The following ASAH1 variants were observed in gnomAD, a reference collection of about 807,000 sequenced individuals.
The protein encoded by ASAH1 is N-acylsphingosine amidohydrolase 1, also known as acid ceramidase.
Under a neutral mutation model 59.5 loss-of-function variants are expected in ASAH1, and 70 were observed. The observed-to-expected ratio is 1.18, with a 90% CI of 0.97 to 1.43. The LOEUF (loss-of-function observed/expected upper bound fraction) is 1.43, where lower values mean the gene tolerates loss of function less well. Among genes scored for constraint, ASAH1 ranks in the 40% most tolerant of loss-of-function variants. ASAH1 has a pLI of 0.00. For missense variants in ASAH1, 660 were observed against 482.5 expected (o/e 1.37, Z -3.45); for synonymous variants, 213 against 166.5 (o/e 1.28, Z -2.15).
Position 18,071,496 on chromosome 8 carries a change from T to C in ASAH1, c.126-106A>G, listed in dbSNP as rs993118186. The stretch of plus-strand genomic sequence containing the variant: ...GAGAGGCAAAGTCTTAACAGCAGTG[T>C]AGAATTTGGTTACCCAAACCAAAAT... On this transcript the variant is annotated intron_variant, in intron 2 of 13. Coordinates refer to ENST00000637790, the MANE Select transcript of ASAH1 (RefSeq NM_177924.5). 23 of 792,212 alleles carry C rather than the reference T, an allele frequency of 2.9e-5. No homozygotes were observed. The African/African-American group carries it at 3.1e-4, about 11-fold the overall frequency. 49.1% of individuals were successfully genotyped at this position (792,212 alleles called of 1,614,324 possible).
At chr8:18,072,642 T>G (rs1800222158) in intron 2 of ASAH1, among the ~76,000 whole-genome samples, 1 of 152,210 alleles carries the variant, frequency 6.6e-6, no homozygotes, top group Non-Finnish European at 1.5e-5. Context: ...ATACTTATAT[T>G]CTAGAAAAAA....
At chr8:18,073,736 G>C (rs918067667) in intron 2 of ASAH1, among the ~76,000 whole-genome samples, 1 of 152,184 alleles carries the variant, frequency 6.6e-6, no homozygotes, top group Non-Finnish European at 1.5e-5. Flanking sequence ...CAAAGGAACA[G>C]AACGTCTGTT....
At chr8:18,084,487 C>G (rs1230601306), upstream of ASAH1, 2 of 1,318,850 alleles carry the variant, frequency 1.5e-6, no homozygotes, top group Non-Finnish European at 1.0e-6. Flanking sequence ...ACCCACGAAA[C>G]GGATCCAAAG....
intron 9 of ASAH1, 97 bp from the exon 10 acceptor site, chr8:18,061,555 C>G (rs1365991587): frequency 1.4e-6 from 2 of 1,441,672 alleles, no homozygotes; most frequent in African/African-American, 2.8e-5. Context: ...CAGTCAGGAA[C>G]CAGAAGAGGT....
chr8:18,062,868 CTTTTTTTTT>C (rs10562212), intron 7 of ASAH1: 3 of 181,696 alleles, frequency 1.7e-5, no homozygotes, highest in East Asian at 2.7e-4. Context: ...GTTCTGTGTT[CTTTTTTTTT>C]TTTTTTTTTT....
At chr8:18,073,052 G>A (rs1367555666) in intron 2 of ASAH1, among the ~76,000 whole-genome samples, 1 of 152,200 alleles carries the variant, frequency 6.6e-6, no homozygotes, top group African/African-American at 2.4e-5. Context: ...AAGTGGGGAT[G>A]ATGAGACCCC....
At chr8:18,075,451 T>C in intron 2 of ASAH1, 90 bp downstream of exon 2, 1 of 1,294,686 alleles carries the variant, frequency 7.7e-7, no homozygotes, top group Non-Finnish European at 1.1e-6. Context: ...TAAGATTTTA[T>C]TCACTATCGT....
intron 1 of ASAH1, among the ~76,000 whole-genome samples, chr8:18,080,073 C>T (rs1019046103): frequency 2.6e-5 from 4 of 152,180 alleles, no homozygotes; most frequent in African/African-American, 4.8e-5. Context: ...ATGGATTACA[C>T]CTGTGTGTTC....
At chr8:18,079,793 T>C (rs968298704) in intron 1 of ASAH1, among the ~76,000 whole-genome samples, 9 of 152,264 alleles carry the variant, frequency 5.9e-5, no homozygotes, top group African/African-American at 2.2e-4. Context: ...TTTCCTATAA[T>C]GTCCTCTTAT....
intron 7 of ASAH1, 141 bp downstream of exon 7, chr8:18,063,044 G>T: frequency 1.4e-6 from 1 of 730,956 alleles, no homozygotes; most frequent in Non-Finnish European, 2.3e-6. Flanking sequence ...TAATTTTTAT[G>T]TTTTTAGTAG....
chr8:18,061,776 C>G (rs1239521072), intron 8 of ASAH1, 36 bp from the exon 9 acceptor site: 2 of 1,546,534 alleles, frequency 1.3e-6, no homozygotes, highest in Admixed American at 1.9e-5. Context: ...TCAGAAACAT[C>G]AACCATGCGC....
intron 13 of ASAH1, chr8:18,058,507 C>T: frequency 3.9e-6 from 1 of 257,058 alleles, no homozygotes; most frequent in East Asian, 9.0e-5. Flanking sequence ...AAATGGACTG[C>T]AGACTTTGTT....
intron 5 of ASAH1, 66 bp downstream of exon 5, chr8:18,067,154 A>AGACAGCACCTGTG: frequency 6.9e-7 from 1 of 1,440,462 alleles, no homozygotes; most frequent in Non-Finnish European, 9.6e-7. Context: ...TGTATATCAC[A>AGACAGCACCTGTG]CCTCAATGGA....
At chr8:18,077,983 T>C (rs7837365) in intron 1 of ASAH1, among the ~76,000 whole-genome samples, 74,591 of 151,956 alleles carry the variant, frequency 0.49, 18,641 homozygotes, top group Middle Eastern at 0.54. Flanking sequence ...TAGTGACTTG[T>C]AGAAAGTTAC....
At chr8:18,073,227 T>G in intron 2 of ASAH1, 1 of 1,557,648 alleles carries the variant, frequency 6.4e-7, no homozygotes. Flanking sequence ...TGCGCCTCCA[T>G]TTCCCCATAA....
chr8:18,061,648 T>G, intron 9 of ASAH1, 38 bp downstream of exon 9: 2 of 1,572,320 alleles, frequency 1.3e-6, no homozygotes, highest in Non-Finnish European at 8.7e-7. Flanking sequence ...ATAAAAAAGC[T>G]CTGAGATTCC....
chr8:18,065,666 A>G (rs1381769480), intron 5 of ASAH1: 1 of 152,172 alleles, frequency 6.6e-6, no homozygotes, highest in Non-Finnish European at 1.5e-5. Context: ...AATAAAAGAT[A>G]CTGCTCAGAG....
chr8:18,072,348 G>T (rs1471330404), intron 2 of ASAH1, among the ~76,000 whole-genome samples: 2 of 152,142 alleles, frequency 1.3e-5, no homozygotes, highest in Admixed American at 6.5e-5. Context: ...CTGGGGATGG[G>T]TTATTACCTA....
At chr8:18,081,483 T>C (rs766945260) in intron 1 of ASAH1, among the ~76,000 whole-genome samples, 5 of 152,268 alleles carry the variant, frequency 3.3e-5, no homozygotes, top group Non-Finnish European at 7.3e-5. Context: ...GATAAATTTC[T>C]GAATCCTTAA....
Sources: gnomAD v4.1 joint callset for allele counts (sites outside exome capture counted in the v4.1 genomes callset) on GRCh38, gnomAD v4.1.1 for gene constraint, MANE v1.5 for transcripts, NCBI Gene and HGNC (gene_info 2026-07-23, HGNC 2026-07-21) for gene names.